The following NCAM1 variants were observed in gnomAD, a reference collection of about 807,000 sequenced individuals.
The protein encoded by NCAM1 is antigen recognized by monoclonal antibody 5.1H11.
Under a neutral mutation model 109.8 loss-of-function variants are expected in NCAM1, and 14 were observed. The observed-to-expected ratio is 0.13, with a 90% confidence interval of 0.08 to 0.20. NCAM1 has a LOEUF of 0.20. NCAM1 is among the 10% of genes least tolerant of loss of function. The probability of loss-of-function intolerance (pLI) is 1.00; values close to 1 mark genes in which losing one functional copy is unlikely to be tolerated. For missense variants in NCAM1, 774 were observed against 1,109.9 expected (o/e 0.70, Z 4.30); for synonymous variants, 418 against 442.9 (o/e 0.94, Z 0.70).
intron 1 of NCAM1, among the ~76,000 whole-genome samples, chr11:113,091,142 C>T (rs1352599999): frequency 1.3e-5 from 2 of 152,192 alleles, no homozygotes; most frequent in Admixed American, 6.5e-5. Context: ...CCCCGCCACA[C>T]ACACTTTGTA....
intron 1 of NCAM1, among the ~76,000 whole-genome samples, chr11:113,191,411 C>T (rs1342922417): frequency 6.6e-6 from 1 of 152,172 alleles, no homozygotes. Flanking sequence ...TTCTTACATG[C>T]CTGCCTGCCA....
At chr11:113,205,998 C>A (rs782725417) in intron 4 of NCAM1, 45 bp from the exon 5 acceptor site, 23 of 1,611,306 alleles carry the variant, frequency 1.4e-5, no homozygotes, top group Non-Finnish European at 2.0e-5. Context: ...CCTGCAGATG[C>A]TCTCTGACTG....
chr11:112,999,337 A>G (rs1951683529), intron 1 of NCAM1, among the ~76,000 whole-genome samples: 1 of 152,156 alleles, frequency 6.6e-6, no homozygotes, highest in African/African-American at 2.4e-5. Context: ...TTTATATTCC[A>G]TATTGTTCAA....
intron 1 of NCAM1, among the ~76,000 whole-genome samples, chr11:112,972,591 G>A (rs753193211): frequency 2.6e-5 from 4 of 152,054 alleles, no homozygotes; most frequent in African/African-American, 4.8e-5. Context: ...ACTGGAAGAC[G>A]GTAAATCACT....
chr11:112,970,468 G>GT (rs576401731), intron 1 of NCAM1, among the ~76,000 whole-genome samples: 6 of 152,156 alleles, frequency 3.9e-5, no homozygotes, highest in Non-Finnish European at 8.8e-5. Context: ...TCCAATGAAA[G>GT]TATCTTGCTT....
At chr11:113,033,863 G>A (rs782293767) in intron 1 of NCAM1, among the ~76,000 whole-genome samples, 3 of 152,122 alleles carry the variant, frequency 2.0e-5, no homozygotes, top group Non-Finnish European at 4.4e-5. Flanking sequence ...AAAGTTGGTT[G>A]GCCAGTAACA....
chr11:113,263,479 A>T, intron 17 of NCAM1: 1 of 985,928 alleles, frequency 1.0e-6, no homozygotes, highest in Non-Finnish European at 1.2e-6. Flanking sequence ...ATGATGGGCA[A>T]CTGAAGTCAC....
chr11:113,018,729 T>A (rs1952287411), intron 1 of NCAM1, among the ~76,000 whole-genome samples: 1 of 152,220 alleles, frequency 6.6e-6, no homozygotes, highest in South Asian at 2.1e-4. Context: ...TGGTTGTGCT[T>A]GGTTTTTAAT....
intron 1 of NCAM1, among the ~76,000 whole-genome samples, chr11:113,016,021 C>T (rs150173644): frequency 3.7e-4 from 57 of 152,068 alleles, no homozygotes; most frequent in Middle Eastern, 3.4e-3. Flanking sequence ...GGTGGTGTGC[C>T]GAGTATTAAA....
intron 8 of NCAM1, among the ~76,000 whole-genome samples, chr11:113,218,132 C>T (rs1017819017): frequency 6.6e-6 from 1 of 152,228 alleles, no homozygotes; most frequent in Non-Finnish European, 1.5e-5. Context: ...AGCAGGCAGT[C>T]CAGTAGCCTT....
At chr11:112,990,548 T>C (rs1555070419) in intron 1 of NCAM1, among the ~76,000 whole-genome samples, 1 of 152,200 alleles carries the variant, frequency 6.6e-6, no homozygotes, top group Non-Finnish European at 1.5e-5. Context: ...TATTTCTCTC[T>C]GGGACCCTAG....
chr11:113,234,727 T>C (rs993991298), intron 13 of NCAM1, among the ~76,000 whole-genome samples: 4 of 152,264 alleles, frequency 2.6e-5, no homozygotes, highest in Non-Finnish European at 5.9e-5. Flanking sequence ...CTTTCGGCTA[T>C]TGTGAATGAT....
intron 1 of NCAM1, among the ~76,000 whole-genome samples, chr11:113,136,758 G>T (rs782790755): frequency 6.6e-6 from 1 of 152,184 alleles, no homozygotes; most frequent in Non-Finnish European, 1.5e-5. Flanking sequence ...CAGGAGGCTG[G>T]GCTGTGGAGA....
intron 1 of NCAM1, among the ~76,000 whole-genome samples, chr11:113,152,825 G>T (rs1555102698): frequency 6.6e-6 from 1 of 152,168 alleles, no homozygotes; most frequent in Non-Finnish European, 1.5e-5. Context: ...AGAGGTCTTT[G>T]CATGCTGTAT....
chr11:113,233,957 T>C lies in NCAM1; in HGVS notation c.1693+640T>C, dbSNP rs1167294733. On this transcript the variant is annotated intron_variant, in intron 13 of 19. Transcript: ENST00000316851. The surrounding 1 kb of genome is among the most constrained non-coding windows in gnomAD (Gnocchi z 4.5). ...CTCAGTGAAGTATGTTTTGTTTCTGTACAAATTTTTAATCCTGGTCTCGTA... is the reference window on the plus strand; with the variant it reads ...CTCAGTGAAGTATGTTTTGTTTCTGCACAAATTTTTAATCCTGGTCTCGTA... Among the ~76,000 whole-genome samples the C allele has an allele frequency of 1.3e-5, 2 of 152,212 alleles. No homozygotes were observed. Among genetic ancestry groups the C allele is most frequent in the African/African-American group, 4.8e-5 (2 of 41,456 alleles).
chr11:113,052,762 C>T (rs1953552728), intron 1 of NCAM1, among the ~76,000 whole-genome samples: 1 of 152,224 alleles, frequency 6.6e-6, no homozygotes, highest in South Asian at 2.1e-4. Context: ...AAACGTGTGC[C>T]ATGGTGGTTT....
chr11:113,187,388 G>T (rs1555109052), intron 1 of NCAM1, among the ~76,000 whole-genome samples: 2 of 152,134 alleles, frequency 1.3e-5, no homozygotes, highest in African/African-American at 4.8e-5. Flanking sequence ...TGATGTGGTG[G>T]TTATTTTTGT....
chr11:113,231,751 A>G lies in NCAM1; in HGVS notation c.1196A>G (p.Asn399Ser). 2 of 1,613,964 alleles carry G rather than the reference A, an allele frequency of 1.2e-6. No homozygotes were observed. The highest frequency in any genetic ancestry group is 1.7e-6 in the Non-Finnish European group (2 of 1,179,890). ...GGAGAGTACATCTGCACCGCCAGCA[A>G]CACCATCGGCCAGGACTCCCAGTCC... Reference protein sequence around the residue: ...DAGEYICTASNTIGQDSQSMY... With the variant: ...DAGEYICTASSTIGQDSQSMY... The change falls in exon 10 of 20, where the codon AAC becomes AGC. Residue 399 changes from asparagine to serine, a missense_variant. This residue lies in a region of NCAM1 where 523 missense variants were observed against 784.2 expected (regional missense o/e 0.67). Transcript: ENST00000316851.
intron 1 of NCAM1, among the ~76,000 whole-genome samples, chr11:112,974,803 C>A (rs1950965319): frequency 6.7e-6 from 1 of 149,204 alleles, no homozygotes; most frequent in Non-Finnish European, 1.5e-5. Flanking sequence ...CCTCCTGTAG[C>A]TTACAGTTTG....
Sources: gnomAD v4.1 joint callset for allele counts (sites outside exome capture counted in the v4.1 genomes callset) on GRCh38, gnomAD v4.1.1 for gene constraint, gnomAD v4.1.1 regional missense constraint, Gnocchi (gnomAD v3.1) non-coding constraint, MANE v1.5 for transcripts, NCBI Gene and HGNC (gene_info 2026-07-23, HGNC 2026-07-21) for gene names.